Variants in CEP89 observed in about 807,000 individuals in gnomAD.
CEP89 encodes the protein centrosomal protein 89, also known as centrosomal protein of 89 kDa.
CEP89 carries 95 observed loss-of-function variants against 97.6 expected under a neutral mutation model. The observed-to-expected ratio is 0.97, with a 90% CI of 0.82 to 1.15. CEP89 has a LOEUF of 1.15. Among genes scored for constraint, CEP89 ranks in the 50% most tolerant of loss-of-function variants. The pLI is 0.00. For synonymous variants in CEP89, 354 were observed against 349.1 expected (o/e 1.01, Z -0.16); for missense variants, 869 against 947.7 (o/e 0.92, Z 1.09).
intron 6 of CEP89, among the ~76,000 whole-genome samples, chr19:32,938,358 T>C (rs1276203466): frequency 6.6e-6 from 1 of 152,138 alleles, no homozygotes; most frequent in Non-Finnish European, 1.5e-5. Context: ...CTCTTCTCAC[T>C]GGGATGGGCA....
chr19:32,917,715 G>A (rs1298165443), intron 13 of CEP89: 1 of 754,204 alleles, frequency 1.3e-6, no homozygotes, highest in Admixed American at 6.3e-5. Context: ...CCTAGGGGTT[G>A]GGGGAATGCA....
At chr19:32,921,061 T>TA (rs950712214) in intron 12 of CEP89, among the ~76,000 whole-genome samples, 22 of 142,958 alleles carry the variant, frequency 1.5e-4, no homozygotes, top group South Asian at 4.5e-4. Flanking sequence ...CTACTAAAAA[T>TA]AAAAAAAAAA....
At position 32,933,453 on chromosome 19, in the gene CEP89, T is replaced by G; in HGVS notation, c.884A>C (p.Glu295Ala). ...AAAGGCACTCTGTCTGTCCCCACCT[T>G]CCTGTGACGACGCCTTCTCAGCCTC... ...LKEAEKASSQ[E>A]VAAPELLYLR... is the part of the protein sequence containing the mutation. Residue 295 changes from glutamate (E) to alanine (A), a missense_variant and splice_region_variant, in exon 8 of 19, where the codon GAA becomes GCA. Transcript: ENST00000305768. 6.2e-7 allele frequency: 1 copy of G among 1,612,432 alleles called. No homozygotes were observed. Among genetic ancestry groups the G allele is most frequent in the Non-Finnish European group, 8.5e-7 (1 of 1,178,892 alleles).
At chr19:32,898,412 G>T (rs1263783647) in intron 16 of CEP89, among the ~76,000 whole-genome samples, 1 of 152,096 alleles carries the variant, frequency 6.6e-6, no homozygotes, top group Non-Finnish European at 1.5e-5. Flanking sequence ...TGGGGGGCTG[G>T]GGGGCAGGTG....
chr19:32,892,598 G>A (rs762655581), intron 16 of CEP89, among the ~76,000 whole-genome samples: 3 of 150,970 alleles, frequency 2.0e-5, no homozygotes, highest in African/African-American at 4.9e-5. Context: ...GAGCCACTGT[G>A]CCCAGCTAAT....
chr19:32,940,466 G>A (rs1300371692), intron 5 of CEP89, among the ~76,000 whole-genome samples: 3 of 137,400 alleles, frequency 2.2e-5, no homozygotes, highest in Admixed American at 1.5e-4. Flanking sequence ...TTCCCATGCC[G>A]GGCTCCTCCT....
rs67539579 is a variant in CEP89, at chr19:32,915,918, G to GA, written c.1385-402dup. Among the ~76,000 whole-genome samples the GA allele has an allele frequency of 2.3e-3, 273 of 119,672 alleles. 1 individual carries two copies. Among genetic ancestry groups the GA allele is most frequent in the African/African-American group, 7.4e-3 (225 of 30,608 alleles). The allele number at this position is 119,672 out of a possible 152,430, so 78.5% of individuals were successfully genotyped here. A position where few individuals can be genotyped will look rare whatever the true frequency, so the allele number is the denominator to read the frequency against. The stretch of plus-strand genomic sequence containing the variant: ...TGGGCAACAGAGTGAGACTCTCTCA[G>GA]AAAAAAAAAAAAAAAAAAAGATATT... On this transcript the variant is annotated intron_variant, in intron 13 of 18. Coordinates refer to ENST00000305768, the MANE Select transcript of CEP89 (RefSeq NM_032816.5).
chr19:32,967,971 T>C (rs976733972), intron 1 of CEP89, among the ~76,000 whole-genome samples: 22 of 152,074 alleles, frequency 1.4e-4, no homozygotes, highest in Non-Finnish European at 3.2e-4. Flanking sequence ...TGTTAGGTAG[T>C]GGTCAGCACG....
chr19:32,962,142 C>T (rs1489189072), intron 2 of CEP89, among the ~76,000 whole-genome samples: 1 of 152,088 alleles, frequency 6.6e-6, no homozygotes, highest in Non-Finnish European at 1.5e-5. Context: ...TTGTAATCCC[C>T]ATGTGTCGAA....
rs780410486 is a variant in CEP89, at chr19:32,939,856, C to T, written c.624+1G>A. 8.2e-7 allele frequency: 1 copy of T among 1,226,618 alleles called. No homozygotes were observed. Among genetic ancestry groups the T allele is most frequent in the South Asian group, 1.3e-5 (1 of 76,360 alleles). The allele number at this position is 1,226,618 out of a possible 1,614,324, so 76.0% of individuals were successfully genotyped here. A position where few individuals can be genotyped will look rare whatever the true frequency, so the allele number is the denominator to read the frequency against. On this transcript the variant is annotated splice_donor_variant, in intron 6 of 18. Transcript: ENST00000305768. LOFTEE classifies it high-confidence loss of function. Reference sequence around the variant, plus strand: ...TCAGTTTTTAAAAAAAATGATCTTACCTTTAAATTCAGAACAGGGTGTTTA... The same window carrying T: ...TCAGTTTTTAAAAAAAATGATCTTATCTTTAAATTCAGAACAGGGTGTTTA...
At chr19:32,904,308 T>C (rs1432167237) in intron 14 of CEP89, among the ~76,000 whole-genome samples, 1 of 152,184 alleles carries the variant, frequency 6.6e-6, no homozygotes. Context: ...TGACAGCAGA[T>C]TTTCATCATA....
At chr19:32,971,518 G>A (rs1971408934) in intron 1 of CEP89, 3 of 558,340 alleles carry the variant, frequency 5.4e-6, no homozygotes, top group Non-Finnish European at 9.6e-6. Flanking sequence ...TTAGCCGGGA[G>A]TAGTGGCGCG....
At chr19:32,921,308 C>G (rs1291075218) in intron 12 of CEP89, among the ~76,000 whole-genome samples, 1 of 152,168 alleles carries the variant, frequency 6.6e-6, no homozygotes, top group East Asian at 1.9e-4. Flanking sequence ...GTTTAGCAGC[C>G]GTGCAGGTGT....
At chr19:32,957,079 C>T (rs566429561) in intron 3 of CEP89, among the ~76,000 whole-genome samples, 6 of 152,278 alleles carry the variant, frequency 3.9e-5, no homozygotes, top group South Asian at 2.1e-4. Context: ...AGAAACACTA[C>T]GTTCACCTCA....
chr19:32,930,168 G>A (rs1377005807), intron 9 of CEP89, among the ~76,000 whole-genome samples: 1 of 151,868 alleles, frequency 6.6e-6, no homozygotes, highest in East Asian at 1.9e-4. Context: ...TGGGATTACA[G>A]GTGCGCACGA....
chr19:32,925,292 C>T (rs191258522), intron 11 of CEP89, among the ~76,000 whole-genome samples: 4 of 152,124 alleles, frequency 2.6e-5, no homozygotes, highest in African/African-American at 4.8e-5. Context: ...GAAGTTAGAA[C>T]GAGCTCCGCT....
Position 32,948,299 on chromosome 19 carries a change from A to G in CEP89, c.562T>C (p.Ser188Pro). The G allele has an allele frequency of 1.2e-6, 2 of 1,609,254 alleles. No individual in the cohort carries two copies. The highest frequency in any genetic ancestry group is 1.7e-6 in the Non-Finnish European group (2 of 1,177,754). ...NISHQDGFPG[S>P]PPAPQRTQQK... ...TGTGTCCGCTGTGGTGCAGGAGGGG[A>G]GCCTGGAAACCCATCTTGATGAGAA... The change falls in exon 5 of 19, where the codon TCC becomes CCC. Residue 188 changes from serine (S) to proline (P), a missense_variant. By Grantham distance (74) the Ser-to-Pro change is moderately conservative. Transcript: ENST00000305768.
intron 11 of CEP89, 148 bp from the exon 12 acceptor site, chr19:32,923,690 G>A: frequency 1.6e-6 from 1 of 613,144 alleles, no homozygotes; most frequent in Admixed American, 2.8e-5. Flanking sequence ...CTCGGTACCA[G>A]CACCAGTGGT....
chr19:32,935,563 C>G (rs1970562548), intron 7 of CEP89, among the ~76,000 whole-genome samples: 1 of 152,154 alleles, frequency 6.6e-6, no homozygotes, highest in African/African-American at 2.4e-5. Context: ...AGTTGGAGCC[C>G]CAGCAATCGC....
Sources: gnomAD v4.1 joint callset for allele counts (sites outside exome capture counted in the v4.1 genomes callset) on GRCh38, gnomAD v4.1.1 for gene constraint, MANE v1.5 for transcripts, NCBI Gene and HGNC (gene_info 2026-07-23, HGNC 2026-07-21) for gene names.